The following CACNA2D3 variants were observed in gnomAD, a reference collection of about 807,000 sequenced individuals.
The protein encoded by CACNA2D3 is voltage-dependent calcium channel subunit alpha-2/delta-3.
In CACNA2D3, 60 loss-of-function variants were observed where a neutral mutation model predicts 160.6. That is an observed-to-expected ratio of 0.37 (90% CI 0.30 to 0.46). The LOEUF (loss-of-function observed/expected upper bound fraction) is 0.46, where lower values mean the gene tolerates loss of function less well. CACNA2D3 is among the 20% of genes least tolerant of loss of function. CACNA2D3 has a pLI of 1.00. For synonymous variants in CACNA2D3, 558 were observed against 492.9 expected (o/e 1.13, Z -1.75); for missense variants, 1,205 against 1,365.0 (o/e 0.88, Z 1.85).
intron 2 of CACNA2D3, among the ~76,000 whole-genome samples, chr3:54,234,573 G>A (rs915883866): frequency 6.6e-5 from 10 of 152,134 alleles, no homozygotes; most frequent in Non-Finnish European, 1.2e-4. Context: ...GTTCATTACA[G>A]CACTATTCAC....
At chr3:54,631,594 G>T (rs1699239431) in intron 10 of CACNA2D3, among the ~76,000 whole-genome samples, 2 of 152,164 alleles carry the variant, frequency 1.3e-5, no homozygotes, top group South Asian at 2.1e-4. Context: ...AGCTTAGAAT[G>T]GTTCAGAGGT....
At chr3:54,441,177 TTC>T (rs2106794596) in intron 4 of CACNA2D3, among the ~76,000 whole-genome samples, 1 of 152,352 alleles carries the variant, frequency 6.6e-6, no homozygotes, top group South Asian at 2.1e-4. Flanking sequence ...ATGATTGCCA[TTC>T]TAACTGGTGT....
intron 2 of CACNA2D3, among the ~76,000 whole-genome samples, chr3:54,308,421 C>T (rs1320467483): frequency 6.6e-6 from 1 of 152,106 alleles, no homozygotes; most frequent in Non-Finnish European, 1.5e-5. Context: ...ACACTTTCTC[C>T]ACTCCCTCTC....
At chr3:54,568,454 T>A (rs1702443625) in intron 6 of CACNA2D3, among the ~76,000 whole-genome samples, 1 of 152,184 alleles carries the variant, frequency 6.6e-6, no homozygotes, top group Non-Finnish European at 1.5e-5. Context: ...AAATAAAAAA[T>A]TATCTTTATA....
intron 11 of CACNA2D3, among the ~76,000 whole-genome samples, chr3:54,723,912 C>G (rs922814168): frequency 5.3e-5 from 8 of 152,298 alleles, no homozygotes; most frequent in Admixed American, 5.2e-4. Context: ...CAAATTCACA[C>G]ATAACAATAT....
At chr3:54,333,598 C>T (rs1474198236) in intron 3 of CACNA2D3, among the ~76,000 whole-genome samples, 11 of 148,802 alleles carry the variant, frequency 7.4e-5, no homozygotes, top group Non-Finnish European at 3.0e-5. Context: ...ATCTTTTGTA[C>T]AGCCCACCGA....
intron 2 of CACNA2D3, among the ~76,000 whole-genome samples, chr3:54,224,861 A>G (rs1222340521): frequency 6.7e-6 from 1 of 149,726 alleles, no homozygotes; most frequent in African/African-American, 2.5e-5. Flanking sequence ...GCAAATTTCT[A>G]TGGTGGTACT....
intron 2 of CACNA2D3, among the ~76,000 whole-genome samples, chr3:54,128,799 G>C (rs1699648807): frequency 6.6e-6 from 1 of 152,088 alleles, no homozygotes; most frequent in Non-Finnish European, 1.5e-5. Flanking sequence ...GTTTGCTGTG[G>C]CCAAAACTGA....
intron 4 of CACNA2D3, among the ~76,000 whole-genome samples, chr3:54,412,102 G>A (rs896908299): frequency 6.6e-5 from 10 of 152,136 alleles, no homozygotes; most frequent in African/African-American, 2.4e-4. Flanking sequence ...AGTATAGTAC[G>A]TAGTCTTTTG....
At chr3:54,925,657 T>G (rs1452283141) in intron 27 of CACNA2D3, among the ~76,000 whole-genome samples, 1 of 152,218 alleles carries the variant, frequency 6.6e-6, no homozygotes, top group Non-Finnish European at 1.5e-5. Flanking sequence ...AATACAACTT[T>G]CTGTGATGAT....
Position 54,988,447 on chromosome 3 carries a change from C to T in CACNA2D3, c.2690+694C>T, listed in dbSNP as rs982845330. 4.6e-5 allele frequency among the ~76,000 whole-genome samples: 7 copies of T among 152,294 alleles called. No individual in the cohort carries two copies. In the East Asian group the frequency reaches 1.2e-3, roughly 25 times the overall value. ...GGGAAAAGCCATCATCCCATGAGAT[C>T]GGGTGTTAGAATGCCTCCCTGGGGG... On this transcript the variant is annotated intron_variant, in intron 31 of 37. Coordinates refer to ENST00000474759, the MANE Select transcript of CACNA2D3 (RefSeq NM_018398.3).
chr3:54,908,210 T>A (rs1700486409), intron 27 of CACNA2D3, among the ~76,000 whole-genome samples: 1 of 152,210 alleles, frequency 6.6e-6, no homozygotes, highest in Non-Finnish European at 1.5e-5. Flanking sequence ...ACATCCTTTC[T>A]AATACTGTCT....
chr3:54,200,523 C>T (rs749409780), intron 2 of CACNA2D3, among the ~76,000 whole-genome samples: 9 of 152,062 alleles, frequency 5.9e-5, no homozygotes, highest in South Asian at 2.1e-4. Context: ...TAAAATACAC[C>T]GAGTGCCTCC....
chr3:54,337,680 CT>C (rs1704416202), intron 3 of CACNA2D3, among the ~76,000 whole-genome samples: 1 of 152,158 alleles, frequency 6.6e-6, no homozygotes, highest in African/African-American at 2.4e-5. Context: ...TGTCTTTTCG[CT>C]TCCTTTCTTT....
At chr3:54,465,991 C>G (rs1166382833) in intron 4 of CACNA2D3, among the ~76,000 whole-genome samples, 2 of 152,148 alleles carry the variant, frequency 1.3e-5, no homozygotes, top group African/African-American at 2.4e-5. Flanking sequence ...TGCTGGTTGT[C>G]CTTGTCCCTT....
In CACNA2D3 at chr3:54,836,047, A is replaced by T. The variant is rs147737097; in HGVS notation, c.1399-1112A>T. On this transcript the variant is annotated intron_variant, in intron 14 of 37. Coordinates refer to ENST00000474759, the MANE Select transcript of CACNA2D3 (RefSeq NM_018398.3). ...CCAGATTTGTCTTGGGCCAAAGCCT[A>T]CCATGTTCCAAGACTCTGTTTCCCT... is the stretch of plus-strand genomic sequence containing the variant. Among the ~76,000 whole-genome samples, 556 of 152,230 alleles carry T rather than the reference A, an allele frequency of 3.7e-3. 3 individuals carry two copies. Among genetic ancestry groups the T allele is most frequent in the African/African-American group, 0.013 (525 of 41,546 alleles).
At chr3:54,474,609 A>G (rs1021407283) in intron 4 of CACNA2D3, among the ~76,000 whole-genome samples, 73 of 152,096 alleles carry the variant, frequency 4.8e-4, no homozygotes, top group African/African-American at 1.6e-3. Flanking sequence ...AATTTTGGCT[A>G]TAATTGAAGA....
At chr3:54,846,526 A>C (rs1488232456) in intron 17 of CACNA2D3, 59 bp downstream of exon 17, 6 of 1,089,098 alleles carry the variant, frequency 5.5e-6, no homozygotes, top group Non-Finnish European at 8.2e-6. Flanking sequence ...GATTTCCTTC[A>C]ATTCAACAGT....
intron 27 of CACNA2D3, among the ~76,000 whole-genome samples, chr3:54,909,369 C>T (rs956184049): frequency 2.0e-5 from 3 of 151,770 alleles, no homozygotes; most frequent in Admixed American, 6.6e-5. Context: ...TATTTAACCG[C>T]CTTTATCCAG....
Sources: gnomAD v4.1 joint callset for allele counts (sites outside exome capture counted in the v4.1 genomes callset) on GRCh38, gnomAD v4.1.1 for gene constraint, MANE v1.5 for transcripts, NCBI Gene and HGNC (gene_info 2026-07-23, HGNC 2026-07-21) for gene names.